The following UGT1A3 variants were observed in gnomAD, a reference collection of about 807,000 sequenced individuals.
UGT1A3 encodes UDP-glucuronosyltransferase 1A3.
A neutral mutation model predicts 41.0 loss-of-function variants in UGT1A3; 31 were observed. That is an observed-to-expected ratio of 0.76 (90% CI 0.57 to 1.02). The LOEUF (loss-of-function observed/expected upper bound fraction) is 1.02. UGT1A3 is among the 50% of genes least tolerant of loss of function. UGT1A3 has a pLI of 0.00. For synonymous variants in UGT1A3, 262 were observed against 257.6 expected, an observed-to-expected ratio of 1.02 and a Z score of -0.17; for missense variants, 737 against 671.0, an observed-to-expected ratio of 1.10 and a Z score of -1.09.
intron 1 of UGT1A3, among the ~76,000 whole-genome samples, chr2:233,766,542 G>T (rs186130827): frequency 4.6e-5 from 7 of 152,298 alleles, no homozygotes; most frequent in African/African-American, 1.7e-4. Context: ...AAACAAAAAT[G>T]CCTGTCCTCA....
intron 1 of UGT1A3, chr2:233,743,993 G>C: frequency 7.9e-7 from 1 of 1,258,672 alleles, no homozygotes; most frequent in Non-Finnish European, 1.0e-6. Context: ...GCAGGCCCGA[G>C]TGCTCGGAGA....
At chr2:233,740,238 G>A (rs1254751502) in intron 1 of UGT1A3, among the ~76,000 whole-genome samples, 1 of 151,796 alleles carries the variant, frequency 6.6e-6, no homozygotes, top group Non-Finnish European at 1.5e-5. Context: ...AGCAGGCTGA[G>A]AATAGACTAA....
chr2:233,746,674 G>T (rs1328656193), intron 1 of UGT1A3, among the ~76,000 whole-genome samples: 1 of 151,722 alleles, frequency 6.6e-6, no homozygotes, highest in South Asian at 2.1e-4. Context: ...TAGCATAGTA[G>T]GTAGGGCTCA....
rs542562674 is a variant in UGT1A3, at chr2:233,763,721, C to G, written c.868-3313C>G. 2.0e-5 allele frequency among the ~76,000 whole-genome samples: 3 copies of G among 152,262 alleles called. No homozygotes were observed. The South Asian group carries it at 6.2e-4, about 32-fold the overall frequency. On this transcript the variant is annotated intron_variant, in intron 1 of 4. Coordinates refer to ENST00000482026, the MANE Select transcript of UGT1A3 (RefSeq NM_019093.4). Reference sequence around the variant, plus strand: ...TGCACAAAGAAGTCCATAGAGAAAGCACAACCTGGCATTGGCGTGTCTTTG... The same window carrying G: ...TGCACAAAGAAGTCCATAGAGAAAGGACAACCTGGCATTGGCGTGTCTTTG...
intron 1 of UGT1A3, among the ~76,000 whole-genome samples, chr2:233,736,128 G>A (rs1042776014): frequency 2.0e-5 from 3 of 152,068 alleles, no homozygotes; most frequent in Non-Finnish European, 4.4e-5. Flanking sequence ...TCCATTCTCC[G>A]CATCACTTTC....
At chr2:233,742,275 G>A (rs530513116) in intron 1 of UGT1A3, among the ~76,000 whole-genome samples, 1 of 152,110 alleles carries the variant, frequency 6.6e-6, no homozygotes, top group East Asian at 1.9e-4. Context: ...CCTGTGATAA[G>A]CATCATTTCT....
intron 1 of UGT1A3, among the ~76,000 whole-genome samples, chr2:233,742,483 C>T (rs1442583410): frequency 6.6e-6 from 1 of 151,916 alleles, no homozygotes; most frequent in African/African-American, 2.4e-5. Context: ...TCACAACCTT[C>T]AGCATAGGCA....
At chr2:233,755,021 G>C (rs1378604817) in intron 1 of UGT1A3, 1 of 1,305,166 alleles carries the variant, frequency 7.7e-7, no homozygotes, top group Non-Finnish European at 1.0e-6. Context: ...AGGGGTCCTT[G>C]AAGGGCCTGC....
At position 233,769,343 on chromosome 2, in the gene UGT1A3, T is replaced by C. The variant is rs950579425; in HGVS notation, c.1307+904T>C. On this transcript the variant is annotated intron_variant, in intron 4 of 4. Coordinates refer to ENST00000482026, the MANE Select transcript of UGT1A3 (RefSeq NM_019093.4). The surrounding 1 kb of genome is among the most constrained non-coding windows in gnomAD (Gnocchi z 4.4). ...TGGTAATAGGCTTATTAGAACCTTA[T>C]GGGAAGAAGTGGTGGCCAGTGGTAG... Among the ~76,000 whole-genome samples the C allele has an allele frequency of 6.6e-6, 1 of 152,250 alleles. No individual in the cohort carries two copies. The highest frequency in any genetic ancestry group is 2.4e-5 in the African/African-American group (1 of 41,464).
In UGT1A3 at chr2:233,772,448, C is replaced by T. The variant is rs199539868; in HGVS notation, c.1494C>T (p.Ala498=). The change falls in exon 5 of 5, where the codon GCC becomes GCT. Residue 498 remains alanine (A), a synonymous_variant. Transcript: ENST00000482026. ...HSLDVIGFLL[A]VVLTVAFITF... The stretch of plus-strand genomic sequence containing the variant: ...TGGACGTGATTGGTTTCCTCTTGGC[C>T]GTCGTGCTGACAGTGGCCTTCATCA... 42 of 1,614,180 alleles carry T rather than the reference C, an allele frequency of 2.6e-5. No homozygotes were observed. In the East Asian group the frequency reaches 7.4e-4, roughly 28 times the overall value.
Position 233,769,905 on chromosome 2 carries a change from G to A in UGT1A3, c.1307+1466G>A. On this transcript the variant is annotated intron_variant, in intron 4 of 4. Coordinates refer to ENST00000482026, the MANE Select transcript of UGT1A3 (RefSeq NM_019093.4). The surrounding 1 kb of genome is among the most constrained non-coding windows in gnomAD (Gnocchi z 4.4). ...AGTCCACATAACCTGAGCATCATGTGCCCAGAGCGTTGGGTGGTGTGGTCC... is the reference window on the plus strand; with the variant it reads ...AGTCCACATAACCTGAGCATCATGTACCCAGAGCGTTGGGTGGTGTGGTCC... 1 of 322,682 alleles carries A rather than the reference G, an allele frequency of 3.1e-6. No individual in the cohort carries two copies. Among genetic ancestry groups the A allele is most frequent in the Admixed American group, 4.6e-5 (1 of 21,882 alleles). 20.0% of individuals were successfully genotyped at this position (322,682 alleles called of 1,614,324 possible).
chr2:233,757,240 G>A (rs1051117267), intron 1 of UGT1A3, among the ~76,000 whole-genome samples: 5 of 149,398 alleles, frequency 3.3e-5, no homozygotes, highest in African/African-American at 1.2e-4. Flanking sequence ...AAGTGGTGGT[G>A]AGGTGGGGTT....
In UGT1A3 at chr2:233,729,600, G is replaced by A. The variant is rs751884181; in HGVS notation, c.474G>A (p.Ala158=). The A allele has an allele frequency of 8.1e-6, 13 of 1,613,992 alleles. No individual in the cohort carries two copies. Among genetic ancestry groups the A allele is most frequent in the South Asian group, 2.2e-5 (2 of 91,074 alleles). The change falls in exon 1 of 5, where the codon GCG becomes GCA. Residue 158 remains alanine, a synonymous_variant. Transcript: ENST00000482026. ...VVLTDPVNLC[A]AVLAKYLSIP... is the part of the protein sequence containing the mutation. ...TAACAGACCCCGTTAACCTCTGCGC[G>A]GCAGTGCTGGCTAAGTACCTGTCGA...
Position 233,765,767 on chromosome 2 carries a change from G to A in UGT1A3, c.868-1267G>A, listed in dbSNP as rs142459833. Among the ~76,000 whole-genome samples, 585 of 151,822 alleles carry A rather than the reference G, an allele frequency of 3.9e-3. 2 individuals are homozygous for A. The highest frequency in any genetic ancestry group is 0.014 in the African/African-American group (559 of 41,374). On this transcript the variant is annotated intron_variant, in intron 1 of 4. Coordinates refer to ENST00000482026, the MANE Select transcript of UGT1A3 (RefSeq NM_019093.4). ...TAAAGCCATTTGAGAGATTCTTGGG[G>A]GATTCATTGGACCACTGAAAATCTA...
At chr2:233,751,514 C>T (rs1694746384) in intron 1 of UGT1A3, among the ~76,000 whole-genome samples, 1 of 152,154 alleles carries the variant, frequency 6.6e-6, no homozygotes, top group Non-Finnish European at 1.5e-5. Context: ...GGCCAGAGGG[C>T]AGAATGATAT....
At chr2:233,762,623 C>A (rs1698115974) in intron 1 of UGT1A3, among the ~76,000 whole-genome samples, 1 of 152,126 alleles carries the variant, frequency 6.6e-6, no homozygotes, top group Non-Finnish European at 1.5e-5. Flanking sequence ...GTTGTGACCT[C>A]AAACACTTCC....
Position 233,772,347 on chromosome 2 carries a change from T to A in UGT1A3, c.1393T>A (p.Phe465Ile), listed in dbSNP as rs1700509286. 9.9e-6 allele frequency: 16 copies of A among 1,614,210 alleles called. No individual in the cohort carries two copies. The highest frequency in any genetic ancestry group is 1.4e-5 in the Non-Finnish European group (16 of 1,180,042). ...GGACCTGGCCGTGTTCTGGGTGGAG[T>A]TTGTGATGAGGCACAAGGGCGCGCC... is the stretch of plus-strand genomic sequence containing the variant. ...PLDLAVFWVE[F>I]VMRHKGAPHL... The change falls in exon 5 of 5, where the codon TTT becomes ATT. Residue 465 changes from phenylalanine (F) to isoleucine (I), a missense_variant. Coordinates refer to ENST00000482026, the MANE Select transcript of UGT1A3 (RefSeq NM_019093.4).
At chr2:233,754,291 C>A in intron 1 of UGT1A3, 1 of 232,626 alleles carries the variant, frequency 4.3e-6, no homozygotes. Flanking sequence ...ACATTCTGTC[C>A]TAGCACTAGG....
At chr2:233,749,490 C>A (rs1026732516) in intron 1 of UGT1A3, among the ~76,000 whole-genome samples, 4 of 151,770 alleles carry the variant, frequency 2.6e-5, no homozygotes, top group Non-Finnish European at 5.9e-5. Flanking sequence ...TCTTGCTATG[C>A]CCCTTAGAGA....
Sources: gnomAD v4.1 joint callset for allele counts (sites outside exome capture counted in the v4.1 genomes callset) on GRCh38, gnomAD v4.1.1 for gene constraint, Gnocchi (gnomAD v3.1) non-coding constraint, MANE v1.5 for transcripts, NCBI Gene and HGNC (gene_info 2026-07-23, HGNC 2026-07-21) for gene names.